Variants in MSRA observed in about 807,000 individuals in gnomAD.
MSRA encodes the protein methionine sulfoxide reductase A, also known as mitochondrial peptide methionine sulfoxide reductase.
In MSRA, 54 loss-of-function variants were observed where a neutral mutation model predicts 31.3. The observed-to-expected ratio is 1.73, with a 90% CI of 1.39 to 2.17. The LOEUF is 2.17. MSRA is among the 30% of genes most tolerant of loss of function. The pLI, the probability that MSRA is intolerant of heterozygous loss-of-function variation, is 0.00. For missense variants in MSRA, 507 were observed against 300.9 expected, an observed-to-expected ratio of 1.69 and a Z score of -5.07; for synonymous variants, 169 against 116.5, an observed-to-expected ratio of 1.45 and a Z score of -2.90.
At chr8:10,149,289 G>GT (rs1028616564) in intron 1 of MSRA, among the ~76,000 whole-genome samples, 2 of 151,980 alleles carry the variant, frequency 1.3e-5, no homozygotes, top group Non-Finnish European at 2.9e-5. Context: ...GCCCAGCTAA[G>GT]TTTTTGTATT....
intron 3 of MSRA, among the ~76,000 whole-genome samples, chr8:10,248,075 A>T (rs990289307): frequency 6.6e-6 from 1 of 152,124 alleles, no homozygotes; most frequent in Non-Finnish European, 1.5e-5. Context: ...CTGACTTAAG[A>T]GAAGGAAAAT....
At chr8:10,400,117 A>G (rs1807357762) in intron 5 of MSRA, among the ~76,000 whole-genome samples, 1 of 152,042 alleles carries the variant, frequency 6.6e-6, no homozygotes, top group Non-Finnish European at 1.5e-5. Flanking sequence ...TGTCATAGAA[A>G]TGGAGAATCT....
chr8:10,373,430 G>T (rs1490377679), intron 5 of MSRA, among the ~76,000 whole-genome samples: 1 of 152,312 alleles, frequency 6.6e-6, no homozygotes, highest in South Asian at 2.1e-4. Context: ...GCGGTGGCAC[G>T]ATCCCTGCTC....
At chr8:10,202,407 T>C (rs750503939) in intron 1 of MSRA, among the ~76,000 whole-genome samples, 11 of 152,210 alleles carry the variant, frequency 7.2e-5, no homozygotes, top group South Asian at 2.1e-4. Flanking sequence ...CAATATATAG[T>C]GTGGGGGATT....
chr8:10,421,464 G>C (rs1294234991), intron 5 of MSRA, among the ~76,000 whole-genome samples: 14 of 152,016 alleles, frequency 9.2e-5, no homozygotes, highest in Admixed American at 9.2e-4. Context: ...TGCCACCTGT[G>C]CTGCCAGGAG....
intron 5 of MSRA, among the ~76,000 whole-genome samples, chr8:10,340,245 C>T (rs1303023578): frequency 1.3e-5 from 2 of 152,082 alleles, no homozygotes. Context: ...CAAGCTGACC[C>T]CAGGTGTCCG....
At chr8:10,206,873 C>T (rs755444654) in intron 1 of MSRA, among the ~76,000 whole-genome samples, 23 of 152,212 alleles carry the variant, frequency 1.5e-4, no homozygotes, top group African/African-American at 3.6e-4. Flanking sequence ...GTACTCTCCT[C>T]GAGGGCAGGA....
chr8:10,054,541 T>C lies in MSRA; in HGVS notation c.25T>C (p.Cys9Arg). 6.3e-7 allele frequency: 1 copy of C among 1,586,360 alleles called. No homozygotes were observed. Among genetic ancestry groups the C allele is most frequent in the East Asian group, 2.4e-5 (1 of 40,918 alleles). The stretch of plus-strand genomic sequence containing the variant: ...CATGCTCTCGGCCACCCGGAGGGCT[T>C]GCCAGCTCCTCCTCCTCCACAGCCT... The part of the protein sequence containing the change: MLSATRRA[C>R]QLLLLHSLFP... Residue 9 changes from cysteine to arginine, a missense_variant, in exon 1 of 6, where the codon TGC becomes CGC. Physicochemically the swap from Cys to Arg is radical, Grantham distance 180 (BLOSUM62 -3). Transcript: ENST00000317173.
chr8:10,185,162 C>G (rs1356542276), intron 1 of MSRA, among the ~76,000 whole-genome samples: 2 of 152,146 alleles, frequency 1.3e-5, no homozygotes, highest in African/African-American at 4.8e-5. Flanking sequence ...TGGCTGTGCC[C>G]TTAGCGAATG....
intron 5 of MSRA, among the ~76,000 whole-genome samples, chr8:10,334,251 T>C (rs1486040924): frequency 2.6e-5 from 4 of 152,052 alleles, no homozygotes; most frequent in African/African-American, 7.2e-5. Context: ...TATTCGTTAA[T>C]TTCCGTGGAA....
intron 3 of MSRA, among the ~76,000 whole-genome samples, chr8:10,277,066 C>T (rs898170528): frequency 1.3e-5 from 2 of 152,178 alleles, no homozygotes; most frequent in East Asian, 1.9e-4. Context: ...TACCTCATTA[C>T]TTGAGACCTA....
At chr8:10,404,410 C>G (rs1807666643) in intron 5 of MSRA, among the ~76,000 whole-genome samples, 1 of 152,238 alleles carries the variant, frequency 6.6e-6, no homozygotes, top group South Asian at 2.1e-4. Flanking sequence ...CACCACCCCC[C>G]AACCCTCCGT....
At chr8:10,129,683 CTT>C (rs780735052) in intron 1 of MSRA, among the ~76,000 whole-genome samples, 13 of 152,122 alleles carry the variant, frequency 8.5e-5, no homozygotes, top group Admixed American at 2.0e-4. Context: ...GGTTTTCTCT[CTT>C]TATTCCTCCA....
intron 1 of MSRA, among the ~76,000 whole-genome samples, chr8:10,056,856 C>A (rs1802401856): frequency 6.6e-6 from 1 of 152,152 alleles, no homozygotes; most frequent in Admixed American, 6.5e-5. Context: ...CTTATTTGTA[C>A]CCTGACCCTC....
intron 5 of MSRA, among the ~76,000 whole-genome samples, chr8:10,394,066 G>A (rs549687822): frequency 5.3e-5 from 8 of 152,314 alleles, no homozygotes; most frequent in Non-Finnish European, 1.0e-4. Context: ...TCTCTAGAGA[G>A]CGACAGGAAC....
intron 1 of MSRA, among the ~76,000 whole-genome samples, chr8:10,136,314 G>C (rs763777363): frequency 1.2e-4 from 19 of 152,158 alleles, no homozygotes; most frequent in Non-Finnish European, 2.5e-4. Flanking sequence ...CTTCTGGGGA[G>C]AAAGGGTTTG....
At chr8:10,275,784 A>G (rs1799289447) in intron 3 of MSRA, among the ~76,000 whole-genome samples, 1 of 152,226 alleles carries the variant, frequency 6.6e-6, no homozygotes, top group Non-Finnish European at 1.5e-5. Context: ...AATCCATGAA[A>G]AAAGCAGGGC....
At chr8:10,261,013 G>A (rs981063732) in intron 3 of MSRA, among the ~76,000 whole-genome samples, 2 of 152,124 alleles carry the variant, frequency 1.3e-5, no homozygotes, top group African/African-American at 4.8e-5. Flanking sequence ...ATGTTGTTCA[G>A]CTTTCAGAAT....
At chr8:10,393,061 C>CA (rs768294679) in intron 5 of MSRA, among the ~76,000 whole-genome samples, 49,937 of 77,760 alleles carry the variant, frequency 0.64, 16,774 homozygotes, top group Non-Finnish European at 0.73. Flanking sequence ...GACTCCGTCT[C>CA]AAAAAAAAAA....
Sources: gnomAD v4.1 joint callset for allele counts (sites outside exome capture counted in the v4.1 genomes callset) on GRCh38, gnomAD v4.1.1 for gene constraint, MANE v1.5 for transcripts, NCBI Gene and HGNC (gene_info 2026-07-23, HGNC 2026-07-21) for gene names.